NEB: variants seen among roughly 807,000 people sequenced by gnomAD.
The protein encoded by NEB is nemaline myopathy type 2.
Under a neutral mutation model 952.2 loss-of-function variants are expected in NEB, and 512 were observed. The observed-to-expected ratio is 0.54, with a 90% CI of 0.50 to 0.58. The LOEUF (loss-of-function observed/expected upper bound fraction) is 0.58. Among genes scored for constraint, NEB ranks in the 20% least tolerant of loss-of-function variants. The probability of loss-of-function intolerance (pLI) is 0.00; values close to 1 mark genes in which losing one functional copy is unlikely to be tolerated. For synonymous variants in NEB, 2,900 were observed against 3,149.8 expected (o/e 0.92, Z 2.66); for missense variants, 8,428 against 9,231.1 (o/e 0.91, Z 3.56).
In NEB at chr2:151,697,216, T is replaced by C. The variant is rs372676278; in HGVS notation, c.1402A>G (p.Lys468Glu). ...YKAEYEEDRG[K>E]GFFPQTITQE... ...GTTATGGTCTGAGGGAAGAAGCCTTTGCCTCTGTCTTCTTCGTATTCTGCT... is the reference window on the plus strand; with the variant it reads ...GTTATGGTCTGAGGGAAGAAGCCTTCGCCTCTGTCTTCTTCGTATTCTGCT... The change falls in exon 16 of 182, where the codon AAA becomes GAA. Residue 468 changes from lysine to glutamate, a missense_variant. Around this residue, in one of 11 missense-constraint regions of NEB, gnomAD observed 2,851 missense variants for 2,791.5 expected, o/e 1.02. Transcript: ENST00000397345. The C allele has an allele frequency of 1.9e-6, 3 of 1,613,766 alleles. No homozygotes were observed. The highest frequency in any genetic ancestry group is 2.5e-6 in the Non-Finnish European group (3 of 1,179,872).
intron 164 of NEB, 135 bp downstream of exon 164, chr2:151,506,031 G>A: frequency 1.3e-6 from 1 of 780,846 alleles, no homozygotes; most frequent in Non-Finnish European, 2.3e-6. Flanking sequence ...CCACTGTGTG[G>A]TGGTGGTACA....
In NEB at chr2:151,485,494, C is replaced by A. The variant is rs1426368139; in HGVS notation, c.*266G>T. On this transcript the variant is annotated 3_prime_UTR_variant, in exon 182 of 182. Transcript: ENST00000397345. ...TAATGTGTTTGGCATATTCAAAATC[C>A]CTGTTTTAGAAAAGAAATAATGTTA... 6 of 307,280 alleles carry A rather than the reference C, an allele frequency of 2.0e-5. No individual in the cohort carries two copies. The highest frequency in any genetic ancestry group is 1.8e-3 in the Middle Eastern group (2 of 1,140). The allele number at this position is 307,280 out of a possible 1,614,324, so 19.0% of individuals were successfully genotyped here.
chr2:151,610,031 T>C lies in NEB; in HGVS notation c.12108A>G (p.Ile4036Met), dbSNP rs1215825857. 6.2e-7 allele frequency: 1 copy of C among 1,613,912 alleles called. No homozygotes were observed. The highest frequency in any genetic ancestry group is 1.7e-5 in the Admixed American group (1 of 60,020). Residue 4036 changes from isoleucine (I) to methionine (M), a missense_variant, in exon 81 of 182, where the codon ATA becomes ATG. This residue lies in a region of NEB where 337 missense variants were observed against 297.5 expected (regional missense o/e 1.13). Coordinates refer to ENST00000397345, the MANE Select transcript of NEB (RefSeq NM_001164508.2). ...IEDDPKIMCAIHAGKIQSERE... is the reference protein window; with the variant it reads ...IEDDPKIMCAMHAGKIQSERE... ...TTTCACTTTGAATTTTTCCTGCATG[T>C]ATGGCACACATAATCTTGGGATCAT...
rs1332653311 is a variant in NEB at position 151,672,520 on chromosome 2, G to A, written c.4148C>T (p.Thr1383Ile). The change falls in exon 37 of 182, where the codon ACC becomes ATC. Residue 1383 changes from threonine (T) to isoleucine (I), a missense_variant. Thr to Ile is a moderately conservative substitution (Grantham distance 89, BLOSUM62 -1). Transcript: ENST00000397345. ...NYENTKTSYHTPGDMVSITAA... is the reference protein window; with the variant it reads ...NYENTKTSYHIPGDMVSITAA... Reference sequence around the variant, plus strand: ...TGTGATGCTAACCATGTCCCCAGGGGTATGGTAGCTGGTTTTGGTGTTCTC... The same window carrying A: ...TGTGATGCTAACCATGTCCCCAGGGATATGGTAGCTGGTTTTGGTGTTCTC... 2 of 1,613,998 alleles carry A rather than the reference G, an allele frequency of 1.2e-6. No homozygotes were observed. The highest frequency in any genetic ancestry group is 1.3e-5 in the African/African-American group (1 of 75,044).
intron 135 of NEB, among the ~76,000 whole-genome samples, chr2:151,544,425 A>G (rs999838593): frequency 6.6e-6 from 1 of 152,162 alleles, no homozygotes; most frequent in African/African-American, 2.4e-5. Flanking sequence ...GAGCATCTAA[A>G]AGTGTATAGA....
chr2:151,637,032 A>G (rs2098774805), intron 63 of NEB, among the ~76,000 whole-genome samples: 1 of 152,144 alleles, frequency 6.6e-6, no homozygotes, highest in Non-Finnish European at 1.5e-5. Flanking sequence ...TTCAACTCAC[A>G]TTTATTCTGC....
intron 8 of NEB, 51 bp from the exon 9 acceptor site, chr2:151,723,537 C>T (rs1477832221): frequency 7.8e-7 from 1 of 1,285,662 alleles, no homozygotes; most frequent in Non-Finnish European, 1.1e-6. Context: ...CACGTTTACA[C>T]AAAATACATA....
At chr2:151,686,021 G>T (rs1378028411) in intron 27 of NEB, among the ~76,000 whole-genome samples, 1 of 152,068 alleles carries the variant, frequency 6.6e-6, no homozygotes, top group African/African-American at 2.4e-5. Flanking sequence ...TGAGACCCTG[G>T]TTTATAAAAA....
intron 173 of NEB, 53 bp downstream of exon 173, chr2:151,496,222 AT>A: frequency 2.7e-6 from 4 of 1,455,700 alleles, no homozygotes; most frequent in Non-Finnish European, 3.8e-6. Context: ...ATTTTAAATC[AT>A]AAAAGTAGTT....
chr2:151,679,355 G>A (rs1402879223), intron 32 of NEB, among the ~76,000 whole-genome samples: 1 of 152,120 alleles, frequency 6.6e-6, no homozygotes, highest in Non-Finnish European at 1.5e-5. Context: ...GAGGAAAGGG[G>A]AAGAAGGAAA....
intron 165 of NEB, among the ~76,000 whole-genome samples, chr2:151,504,053 G>A (rs4643540): frequency 0.58 from 88,812 of 151,840 alleles, 26,450 homozygotes; most frequent in Admixed American, 0.69. Flanking sequence ...ATATTTTTTA[G>A]TAGTAGTATC....
At chr2:151,551,183 G>T (rs1445929380) in intron 129 of NEB, among the ~76,000 whole-genome samples, 1 of 151,586 alleles carries the variant, frequency 6.6e-6, no homozygotes, top group Non-Finnish European at 1.5e-5. Context: ...TGGCCAGGCT[G>T]GTCTCGAACT....
At position 151,620,944 on chromosome 2, in the gene NEB, T is replaced by C. The variant is rs1245666454; in HGVS notation, c.10535A>G (p.Lys3512Arg). Residue 3512 changes from lysine (K) to arginine (R), a missense_variant, in exon 72 of 182, where the codon AAG becomes AGG. Around this residue, in one of 11 missense-constraint regions of NEB, gnomAD observed 1,772 missense variants for 1,960.3 expected, o/e 0.90. Transcript: ENST00000397345. ...RSDAIPIVAA[K>R]ASRDIASDYK... ...ATCACTGGCAATATCCCGAGAGGCC[T>C]TGGCAGCCACAATGGGAATGGCATC... The C allele has an allele frequency of 1.2e-6, 2 of 1,612,516 alleles. No homozygotes were observed. The highest frequency in any genetic ancestry group is 2.2e-5 in the East Asian group (1 of 44,802).
intron 162 of NEB, 129 bp from the exon 163 acceptor site, chr2:151,507,142 T>C: frequency 1.6e-6 from 1 of 608,262 alleles, no homozygotes. Flanking sequence ...ATAATTATGG[T>C]CTGGTAGCCC....
At position 151,679,829 on chromosome 2, in the gene NEB, C is replaced by CTGAAAGAAAAATGTCA; in HGVS notation, c.3148-17_3148-2dup. 6.2e-7 allele frequency: 1 copy of CTGAAAGAAAAATGTCA among 1,613,054 alleles called. No homozygotes were observed. Among genetic ancestry groups the CTGAAAGAAAAATGTCA allele is most frequent in the Non-Finnish European group, 8.5e-7 (1 of 1,179,050 alleles). ...CTTTCAAGTCTGCTTTGTACATATT[C>CTGAAAGAAAAATGTCA]TGAAAGAAAAATGTCATTTAAGTAC... is the stretch of plus-strand genomic sequence containing the variant. On this transcript the variant is annotated splice_acceptor_variant, in intron 31 of 181. Coordinates refer to ENST00000397345, the MANE Select transcript of NEB (RefSeq NM_001164508.2). LOFTEE classifies it high-confidence loss of function.
chr2:151,507,265 A>AAGAT (rs1419115757), intron 162 of NEB, among the ~76,000 whole-genome samples: 1 of 152,232 alleles, frequency 6.6e-6, no homozygotes, highest in Non-Finnish European at 1.5e-5. Flanking sequence ...AACTTTGAAA[A>AAGAT]AGATAGATGT....
rs1463873284 is a variant in NEB, at chr2:151,682,656, C to T, written c.2943+6G>A. On this transcript the variant is annotated splice_donor_region_variant and intron_variant, in intron 29 of 181. Coordinates refer to ENST00000397345, the MANE Select transcript of NEB (RefSeq NM_001164508.2). Reference sequence around the variant, plus strand: ...ACTCTCCCTCTGACACACCCAGTGGCTTTACCTCATTGAGGATGTCTGAAG... The same window carrying T: ...ACTCTCCCTCTGACACACCCAGTGGTTTTACCTCATTGAGGATGTCTGAAG... 1.2e-6 allele frequency: 2 copies of T among 1,605,780 alleles called. No individual in the cohort carries two copies. The highest frequency in any genetic ancestry group is 2.7e-5 in the African/African-American group (2 of 74,764).
chr2:151,490,608 T>G, intron 179 of NEB, 90 bp from the exon 180 acceptor site: 1 of 1,460,456 alleles, frequency 6.8e-7, no homozygotes, highest in South Asian at 1.2e-5. Flanking sequence ...GTTATTGTTA[T>G]CTTTGCCAAG....
chr2:151,553,335 C>T (rs1283322067), intron 127 of NEB, 63 bp downstream of exon 127: 58 of 1,334,628 alleles, frequency 4.3e-5, no homozygotes, highest in Non-Finnish European at 6.1e-5. Flanking sequence ...TACATAACCT[C>T]CTCTTAACTC....
Sources: gnomAD v4.1 joint callset for allele counts (sites outside exome capture counted in the v4.1 genomes callset) on GRCh38, gnomAD v4.1.1 for gene constraint, gnomAD v4.1.1 regional missense constraint, MANE v1.5 for transcripts, NCBI Gene and HGNC (gene_info 2026-07-23, HGNC 2026-07-21) for gene names.